PTPRR: variants seen among roughly 807,000 people sequenced by gnomAD.
PTPRR encodes receptor-type tyrosine-protein phosphatase R.
Under a neutral mutation model 77.2 loss-of-function variants are expected in PTPRR, and 38 were observed. The observed-to-expected ratio is 0.49, with a 90% CI of 0.38 to 0.65. PTPRR has a LOEUF of 0.65. PTPRR is among the 30% of genes least tolerant of loss of function. PTPRR has a pLI of 0.00. For missense variants in PTPRR, 744 were observed against 799.2 expected, an observed-to-expected ratio of 0.93 and a Z score of 0.83; for synonymous variants, 299 against 283.1, an observed-to-expected ratio of 1.06 and a Z score of -0.57.
At chr12:70,776,600 C>T (rs759331037) in intron 2 of PTPRR, among the ~76,000 whole-genome samples, 6 of 152,138 alleles carry the variant, frequency 3.9e-5, no homozygotes, top group Non-Finnish European at 7.4e-5. Flanking sequence ...CTCCAGGCAT[C>T]CCTAAGGTTT....
intron 2 of PTPRR, among the ~76,000 whole-genome samples, chr12:70,873,007 G>T (rs994310744): frequency 4.5e-4 from 69 of 152,176 alleles, no homozygotes; most frequent in Non-Finnish European, 6.0e-4. Context: ...AAACAGAACT[G>T]ATATTAATAT....
chr12:70,882,777 G>A (rs1182204057), intron 2 of PTPRR, among the ~76,000 whole-genome samples: 2 of 152,046 alleles, frequency 1.3e-5, no homozygotes, highest in Non-Finnish European at 2.9e-5. Flanking sequence ...CATCTATTCC[G>A]CTACTGGTTT....
chr12:70,761,678 G>A, intron 3 of PTPRR, 52 bp from the exon 4 acceptor site: 1 of 1,384,014 alleles, frequency 7.2e-7, no homozygotes, highest in Middle Eastern at 2.3e-4. Flanking sequence ...AACAACTTTG[G>A]ATAATATTTT....
intron 10 of PTPRR, among the ~76,000 whole-genome samples, chr12:70,681,681 T>A (rs911407069): frequency 3.9e-5 from 6 of 152,188 alleles, no homozygotes; most frequent in African/African-American, 1.4e-4. Flanking sequence ...CTTTCTTATT[T>A]GTTGTTTTGG....
intron 2 of PTPRR, among the ~76,000 whole-genome samples, chr12:70,777,796 G>A (rs928425022): frequency 2.0e-5 from 3 of 152,192 alleles, no homozygotes; most frequent in Non-Finnish European, 2.9e-5. Context: ...AGATCACTGC[G>A]TGGAGAAGAG....
chr12:70,662,517 G>A lies in PTPRR; in HGVS notation c.1586C>T (p.Thr529Ile). 1 of 1,606,042 alleles carries A rather than the reference G, an allele frequency of 6.2e-7. No homozygotes were observed. Among genetic ancestry groups the A allele is most frequent in the Non-Finnish European group, 8.5e-7 (1 of 1,173,624 alleles). ...VISVNECDNY[T>I]IRNLVLKQGS... Reference sequence around the variant, plus strand: ...TACCTTTAAGACAAGGTTTCGAATGGTGTAGTTATCACATTCATTTACACT... The same window carrying A: ...TACCTTTAAGACAAGGTTTCGAATGATGTAGTTATCACATTCATTTACACT... The change falls in exon 11 of 14, where the codon ACC (threonine) becomes ATC (isoleucine). Residue 529 changes from threonine (T) to isoleucine (I), a missense_variant. Physicochemically the swap from Thr to Ile is moderately conservative, Grantham distance 89 (BLOSUM62 -1). Coordinates refer to ENST00000283228, the MANE Select transcript of PTPRR (RefSeq NM_002849.4).
chr12:70,795,633 A>T (rs1891497917), intron 2 of PTPRR, among the ~76,000 whole-genome samples: 1 of 152,302 alleles, frequency 6.6e-6, no homozygotes, highest in East Asian at 1.9e-4. Flanking sequence ...CAAACTAGAG[A>T]AATATATGAG....
At chr12:70,688,480 A>AT (rs1262163733) in intron 8 of PTPRR, among the ~76,000 whole-genome samples, 4 of 152,222 alleles carry the variant, frequency 2.6e-5, no homozygotes, top group Admixed American at 6.5e-5. Flanking sequence ...AGAAATGCAA[A>AT]TTAAAACCAC....
chr12:70,835,633 C>T (rs914886081), intron 2 of PTPRR, among the ~76,000 whole-genome samples: 1 of 152,040 alleles, frequency 6.6e-6, no homozygotes, highest in Non-Finnish European at 1.5e-5. Context: ...TGGTAGAGCA[C>T]ACATGTTTCT....
chr12:70,753,795 A>G (rs2136948059), intron 5 of PTPRR, among the ~76,000 whole-genome samples: 1 of 152,280 alleles, frequency 6.6e-6, no homozygotes, highest in East Asian at 1.9e-4. Flanking sequence ...TCTTGTCTCA[A>G]AGACATATCT....
Position 70,888,265 on chromosome 12 carries a change from C to CA in PTPRR, c.357+4413dup, listed in dbSNP as rs145172756. On this transcript the variant is annotated intron_variant, in intron 2 of 13. Transcript: ENST00000283228. ...CATACTATCAATGTTTTATGCTTAG[C>CA]AAAAAATAATTTACTTATCACTATC... Among the ~76,000 whole-genome samples, 1,302 of 152,092 alleles carry CA rather than the reference C, an allele frequency of 8.6e-3. 30 individuals carry two copies. The highest frequency in any genetic ancestry group is 0.029 in the African/African-American group (1,217 of 41,508).
At chr12:70,799,316 T>A (rs2137018206) in intron 2 of PTPRR, among the ~76,000 whole-genome samples, 1 of 152,376 alleles carries the variant, frequency 6.6e-6, no homozygotes, top group Non-Finnish European at 1.5e-5. Context: ...CATACCTCAA[T>A]GTATTATTTC....
chr12:70,745,716 T>G, intron 6 of PTPRR, 102 bp downstream of exon 6: 1 of 1,349,226 alleles, frequency 7.4e-7, no homozygotes, highest in Non-Finnish European at 1.0e-6. Context: ...TGGTGAACAA[T>G]TCTACCCAAT....
At chr12:70,765,697 T>A (rs1182783502) in intron 2 of PTPRR, among the ~76,000 whole-genome samples, 1 of 152,128 alleles carries the variant, frequency 6.6e-6, no homozygotes, top group Non-Finnish European at 1.5e-5. Context: ...TGAGAACGGG[T>A]AGACTGCCTC....
chr12:70,779,490 G>T (rs527850741), intron 2 of PTPRR, among the ~76,000 whole-genome samples: 90 of 152,246 alleles, frequency 5.9e-4, no homozygotes, highest in African/African-American at 2.0e-3. Context: ...TCCTCAGAGA[G>T]GCCTTCCCAG....
At chr12:70,762,294 TACAC>T (rs147039273) in intron 3 of PTPRR, among the ~76,000 whole-genome samples, 1 of 149,354 alleles carries the variant, frequency 6.7e-6, no homozygotes, top group Non-Finnish European at 1.5e-5. Context: ...TACACACACA[TACAC>T]ACACACACAC....
intron 2 of PTPRR, among the ~76,000 whole-genome samples, chr12:70,801,446 A>G (rs1372414077): frequency 6.6e-6 from 1 of 152,228 alleles, no homozygotes; most frequent in Non-Finnish European, 1.5e-5. Flanking sequence ...TGAAAACAAC[A>G]AAAGACTCAC....
chr12:70,677,485 C>T, intron 10 of PTPRR, among the ~76,000 whole-genome samples: 1 of 152,092 alleles, frequency 6.6e-6, no homozygotes, highest in East Asian at 1.9e-4. Flanking sequence ...TATCCTTATC[C>T]CAGATCTTAG....
intron 6 of PTPRR, among the ~76,000 whole-genome samples, chr12:70,738,324 C>A (rs1006309532): frequency 6.6e-6 from 1 of 152,130 alleles, no homozygotes; most frequent in African/African-American, 2.4e-5. Context: ...CCCTTGGGGG[C>A]CTACTGAGAC....
Sources: gnomAD v4.1 joint callset for allele counts (sites outside exome capture counted in the v4.1 genomes callset) on GRCh38, gnomAD v4.1.1 for gene constraint, MANE v1.5 for transcripts, NCBI Gene and HGNC (gene_info 2026-07-23, HGNC 2026-07-21) for gene names.